RAP1GDS1: variants seen among roughly 807,000 people sequenced by gnomAD.
The protein encoded by RAP1GDS1 is Rap1 GTPase-GDP dissociation stimulator 1.
RAP1GDS1 carries 35 observed loss-of-function variants against 71.1 expected under a neutral mutation model. The ratio of observed to expected loss-of-function variants is 0.49; its 90% CI spans 0.38 to 0.65. The LOEUF (loss-of-function observed/expected upper bound fraction) is 0.65, where lower values mean the gene tolerates loss of function less well. Among genes scored for constraint, RAP1GDS1 ranks in the 30% least tolerant of loss-of-function variants. The pLI, the probability that RAP1GDS1 is intolerant of heterozygous loss-of-function variation, is 0.00. For missense variants in RAP1GDS1, 663 were observed against 706.1 expected, an observed-to-expected ratio of 0.94 and a Z score of 0.69; for synonymous variants, 229 against 243.1, an observed-to-expected ratio of 0.94 and a Z score of 0.54.
intron 2 of RAP1GDS1, among the ~76,000 whole-genome samples, chr4:98,316,778 A>T (rs921059795): frequency 3.9e-5 from 6 of 152,198 alleles, no homozygotes; most frequent in African/African-American, 1.4e-4. Context: ...GAAGTTCTGC[A>T]TGAGAGTACT....
chr4:98,381,003 G>A (rs1175309590), intron 5 of RAP1GDS1, among the ~76,000 whole-genome samples: 1 of 151,500 alleles, frequency 6.6e-6, no homozygotes, highest in African/African-American at 2.4e-5. Context: ...AATATTATAG[G>A]GTATCCCAGT....
rs1750811353 is a variant in RAP1GDS1 at position 98,433,993 on chromosome 4, A to G, written c.1498A>G (p.Thr500Ala). The G allele has an allele frequency of 6.2e-7, 1 of 1,613,372 alleles. No homozygotes were observed. Among genetic ancestry groups the G allele is most frequent in the South Asian group, 1.1e-5 (1 of 91,056 alleles). Residue 500 changes from threonine to alanine, a missense_variant, in exon 13 of 15, where the codon ACT (threonine) becomes GCT (alanine). Physicochemically the swap from Thr to Ala is moderately conservative, Grantham distance 58 (BLOSUM62 0). Coordinates refer to ENST00000408927, the MANE Select transcript of RAP1GDS1 (RefSeq NM_001100427.2). ...GGIKHLVTMA[T>A]SEHVIMQNEA... ...CATCAAGCATCTAGTTACCATGGCA[A>G]CTAGTGAACATGTAATAATGCAGAA...
rs1211202646 is a variant in RAP1GDS1, at chr4:98,443,034, TTTTTGCTG to T, written c.*922_*929del. 176 of 215,644 alleles carry T rather than the reference TTTTTGCTG, an allele frequency of 8.2e-4. No individual in the cohort carries two copies. The highest frequency in any genetic ancestry group is 1.4e-3 in the Non-Finnish European group (154 of 108,794). 13.4% of individuals were successfully genotyped at this position (215,644 alleles called of 1,614,324 possible). On this transcript the variant is annotated 3_prime_UTR_variant, in exon 15 of 15. Transcript: ENST00000408927. Reference sequence around the variant, plus strand: ...AATGGAATTTTTTTTTTTTTTTTTTTTTTTGCTGTTTTTCATCATTCAGCTAGAAAGTG... The same window carrying T: ...AATGGAATTTTTTTTTTTTTTTTTTTTTTTTCATCATTCAGCTAGAAAGTG...
intron 7 of RAP1GDS1, among the ~76,000 whole-genome samples, chr4:98,415,875 A>G (rs868813133): frequency 6.6e-6 from 1 of 152,306 alleles, no homozygotes; most frequent in East Asian, 1.9e-4. Flanking sequence ...CTTTAAATCA[A>G]TGAAAACCTG....
chr4:98,428,114 CATATTCAACAAATGGTGCTGTG>C (rs1749872529), intron 12 of RAP1GDS1, among the ~76,000 whole-genome samples: 1 of 152,044 alleles, frequency 6.6e-6, no homozygotes, highest in Non-Finnish European at 1.5e-5. Flanking sequence ...GAAAGGGCAC[CATATTCAACAAATGGTGCTGTG>C]ATTATTGGCA....
At chr4:98,298,220 A>G (rs960504823) in intron 2 of RAP1GDS1, among the ~76,000 whole-genome samples, 3 of 152,238 alleles carry the variant, frequency 2.0e-5, no homozygotes, top group African/African-American at 7.2e-5. Flanking sequence ...TGAAAGATGA[A>G]GCAGCAGCTG....
intron 7 of RAP1GDS1, among the ~76,000 whole-genome samples, chr4:98,406,904 G>T (rs925790599): frequency 5.3e-5 from 8 of 152,018 alleles, no homozygotes; most frequent in Admixed American, 3.9e-4. Context: ...AAAAAGAATT[G>T]TAATGGAAAT....
Position 98,330,068 on chromosome 4 carries a change from C to A in RAP1GDS1, c.113-13071C>A, listed in dbSNP as rs535740289. ...TCTCTGGTTTTCCTAGGCAGCACAT[C>A]CTGCACTGCCCTTAATCCATTTAAC... is the stretch of plus-strand genomic sequence containing the variant. On this transcript the variant is annotated intron_variant, in intron 2 of 14. Coordinates refer to ENST00000408927, the MANE Select transcript of RAP1GDS1 (RefSeq NM_001100427.2). 3.3e-5 allele frequency among the ~76,000 whole-genome samples: 5 copies of A among 152,230 alleles called. No individual in the cohort carries two copies. In the South Asian group the frequency reaches 1.0e-3, roughly 32 times the overall value.
At chr4:98,418,589 C>T (rs1027228378) in intron 9 of RAP1GDS1, 68 bp from the exon 10 acceptor site, 10 of 1,339,232 alleles carry the variant, frequency 7.5e-6, no homozygotes, top group Non-Finnish European at 9.0e-6. Context: ...AATAGCCAGA[C>T]ATCAGTATTA....
intron 1 of RAP1GDS1, among the ~76,000 whole-genome samples, chr4:98,268,078 G>T (rs1163870300): frequency 6.6e-6 from 1 of 152,062 alleles, no homozygotes; most frequent in African/African-American, 2.4e-5. Flanking sequence ...GTCTCATTGT[G>T]GTTTGATTTG....
At chr4:98,336,563 G>A (rs1008490132) in intron 2 of RAP1GDS1, among the ~76,000 whole-genome samples, 4 of 152,098 alleles carry the variant, frequency 2.6e-5, no homozygotes, top group African/African-American at 4.8e-5. Flanking sequence ...GTGAATCACG[G>A]TATAAATGGG....
chr4:98,372,061 G>A (rs2110468920), intron 4 of RAP1GDS1, among the ~76,000 whole-genome samples: 1 of 152,126 alleles, frequency 6.6e-6, no homozygotes, highest in Non-Finnish European at 1.5e-5. Flanking sequence ...TCCGAACCTA[G>A]TTGTTTTCTG....
chr4:98,427,124 A>T (rs1487140409), intron 12 of RAP1GDS1, among the ~76,000 whole-genome samples: 1 of 152,214 alleles, frequency 6.6e-6, no homozygotes, highest in Non-Finnish European at 1.5e-5. Flanking sequence ...AAATCACATG[A>T]TCATCTCAAT....
chr4:98,364,366 G>A (rs1488970367), intron 4 of RAP1GDS1, among the ~76,000 whole-genome samples: 3 of 152,054 alleles, frequency 2.0e-5, no homozygotes, highest in Non-Finnish European at 4.4e-5. Context: ...AAAAAACTGA[G>A]ACCTGAAAAT....
intron 4 of RAP1GDS1, among the ~76,000 whole-genome samples, chr4:98,370,832 A>G (rs1205074748): frequency 6.6e-6 from 1 of 152,082 alleles, no homozygotes; most frequent in Non-Finnish European, 1.5e-5. Flanking sequence ...CAGCCTCCCA[A>G]AGTGCTGGGA....
intron 2 of RAP1GDS1, among the ~76,000 whole-genome samples, chr4:98,333,285 CTT>C (rs34135190): frequency 2.6e-5 from 4 of 151,786 alleles, no homozygotes; most frequent in Non-Finnish European, 5.9e-5. Flanking sequence ...TTTTTGTGTA[CTT>C]TGTTTACAAA....
intron 7 of RAP1GDS1, chr4:98,409,276 A>T (rs1746645729): frequency 6.6e-6 from 1 of 152,338 alleles, no homozygotes; most frequent in Admixed American, 6.5e-5. Context: ...GCCACCTTCC[A>T]GTAATTTAAC....
In RAP1GDS1 at chr4:98,416,781, T is replaced by C. The variant is rs1437293548; in HGVS notation, c.800T>C (p.Val267Ala). 6.2e-6 allele frequency: 10 copies of C among 1,610,476 alleles called. 1 individual carries two copies. In the South Asian group the frequency reaches 1.1e-4, roughly 18 times the overall value. ...CTACAGCTGGTTGAAGCAGGCCTAG[T>C]AGAGTGTCTACTAGAGATTGTTCAG... ...IKLQLVEAGL[V>A]ECLLEIVQQK... Residue 267 changes from valine (V) to alanine (A), a missense_variant, in exon 8 of 15, where the codon GTA becomes GCA. Val to Ala is a moderately conservative substitution (Grantham distance 64). Coordinates refer to ENST00000408927, the MANE Select transcript of RAP1GDS1 (RefSeq NM_001100427.2).
At chr4:98,395,235 A>G (rs1054344628) in intron 6 of RAP1GDS1, among the ~76,000 whole-genome samples, 2 of 152,174 alleles carry the variant, frequency 1.3e-5, no homozygotes, top group African/African-American at 2.4e-5. Flanking sequence ...TACTATATAT[A>G]TAATAGGCAT....
Sources: gnomAD v4.1 joint callset for allele counts (sites outside exome capture counted in the v4.1 genomes callset) on GRCh38, gnomAD v4.1.1 for gene constraint, MANE v1.5 for transcripts, NCBI Gene and HGNC (gene_info 2026-07-23, HGNC 2026-07-21) for gene names.